GLDN: variants seen among roughly 807,000 people sequenced by gnomAD.
The protein encoded by GLDN is collomin.
Under a neutral mutation model 56.5 loss-of-function variants are expected in GLDN, and 47 were observed. That is an observed-to-expected ratio of 0.83 (90% confidence interval 0.66 to 1.06). GLDN has a LOEUF of 1.06. Ranked by LOEUF, GLDN falls within the 50% of genes least tolerant of loss-of-function variation. The probability of loss-of-function intolerance (pLI) is 0.00; values close to 1 mark genes in which losing one functional copy is unlikely to be tolerated. For missense variants in GLDN, 782 were observed against 714.3 expected, an observed-to-expected ratio of 1.09 and a Z score of -1.08; for synonymous variants, 332 against 278.8, an observed-to-expected ratio of 1.19 and a Z score of -1.90.
At chr15:51,386,015 G>A (rs1457748163) in intron 4 of GLDN, among the ~76,000 whole-genome samples, 1 of 152,210 alleles carries the variant, frequency 6.6e-6, no homozygotes, top group East Asian at 1.9e-4. Flanking sequence ...TAGGAGGGAA[G>A]GGAAGAGGCT....
chr15:51,368,019 A>G (rs2037440349), intron 1 of GLDN, among the ~76,000 whole-genome samples: 1 of 152,188 alleles, frequency 6.6e-6, no homozygotes, highest in East Asian at 1.9e-4. Context: ...AAATAAAATT[A>G]TCCTAAACAA....
intron 1 of GLDN, among the ~76,000 whole-genome samples, chr15:51,376,019 T>C (rs1482132460): frequency 6.6e-6 from 1 of 152,214 alleles, no homozygotes; most frequent in Non-Finnish European, 1.5e-5. Flanking sequence ...ATTCTCTTGA[T>C]GATGTTGATA....
chr15:51,401,313 T>C (rs1186202954), intron 8 of GLDN, among the ~76,000 whole-genome samples: 1 of 152,220 alleles, frequency 6.6e-6, no homozygotes, highest in African/African-American at 2.4e-5. Context: ...CATAGAGAGT[T>C]TGATAAACAG....
chr15:51,383,548 C>T (rs1213023848), intron 3 of GLDN, 95 bp downstream of exon 3: 2 of 1,430,460 alleles, frequency 1.4e-6, no homozygotes, highest in African/African-American at 2.8e-5. Flanking sequence ...GGGCAAGAGC[C>T]TGGAGGCAGT....
chr15:51,351,550 G>A (rs567347263), intron 1 of GLDN, among the ~76,000 whole-genome samples: 1 of 152,278 alleles, frequency 6.6e-6, no homozygotes, highest in East Asian at 1.9e-4. Context: ...GTGAGTTCCA[G>A]AATAATTTCT....
At chr15:51,376,676 CCTT>C (rs1199870508) in intron 1 of GLDN, among the ~76,000 whole-genome samples, 1 of 152,148 alleles carries the variant, frequency 6.6e-6, no homozygotes, top group Non-Finnish European at 1.5e-5. Flanking sequence ...TACTTTATAT[CCTT>C]ATTATGTAAG....
chr15:51,401,222 C>A (rs758168354), intron 8 of GLDN, among the ~76,000 whole-genome samples: 37 of 152,266 alleles, frequency 2.4e-4, no homozygotes, highest in Non-Finnish European at 4.7e-4. Flanking sequence ...CTGCACAGTG[C>A]AGGAAGAGGT....
chr15:51,400,293 C>T lies in GLDN; in HGVS notation c.901+18C>T, dbSNP rs751946199. On this transcript the variant is annotated intron_variant, in intron 7 of 9. Coordinates refer to ENST00000335449, the MANE Select transcript of GLDN (RefSeq NM_181789.4). ...ACAAGCAGGTATAGAAACAAAGCGT[C>T]CTGTCTTGAAATTCAGAAATTGAAT... 2 of 1,614,098 alleles carry T rather than the reference C, an allele frequency of 1.2e-6. No individual in the cohort carries two copies. Among genetic ancestry groups the T allele is most frequent in the East Asian group, 2.2e-5 (1 of 44,892 alleles).
At chr15:51,396,643 G>A (rs941027000) in intron 5 of GLDN, among the ~76,000 whole-genome samples, 10 of 152,194 alleles carry the variant, frequency 6.6e-5, no homozygotes, top group Non-Finnish European at 1.0e-4. Context: ...CAGAGACTTT[G>A]CTAGTAGCTG....
In GLDN at chr15:51,341,857, A is replaced by G; in HGVS notation, c.173A>G (p.Glu58Gly). 2.0e-6 allele frequency: 3 copies of G among 1,534,202 alleles called. No individual in the cohort carries two copies. Among genetic ancestry groups the G allele is most frequent in the Non-Finnish European group, 2.6e-6 (3 of 1,149,518 alleles). Residue 58 changes from glutamate to glycine, a missense_variant, in exon 1 of 10, where the codon GAG (glutamate) becomes GGG (glycine). Physicochemically the swap from Glu to Gly is moderately conservative, Grantham distance 98 (BLOSUM62 -2). Coordinates refer to ENST00000335449, the MANE Select transcript of GLDN (RefSeq NM_181789.4). ...GCTTTGGAGGCGCAGCGGGGCCGGG[A>G]GCAGCGCGAGGACAGTGCCCTGCGC... ...LRALEAQRGREQREDSALRSF... is the reference protein window; with the variant it reads ...LRALEAQRGRGQREDSALRSF...
At chr15:51,349,324 CTG>C (rs1487613517) in intron 1 of GLDN, among the ~76,000 whole-genome samples, 3 of 152,252 alleles carry the variant, frequency 2.0e-5, no homozygotes, top group African/African-American at 7.2e-5. Context: ...CTTCCTTGGA[CTG>C]GGTTATTTCC....
In GLDN at chr15:51,400,290, C is replaced by T. The variant is rs571792605; in HGVS notation, c.901+15C>T. The T allele has an allele frequency of 9.1e-5, 147 of 1,614,030 alleles. 2 individuals are homozygous for T. In the South Asian group the frequency reaches 1.2e-3, roughly 13 times the overall value. ...CCCACAAGCAGGTATAGAAACAAAG[C>T]GTCCTGTCTTGAAATTCAGAAATTG... On this transcript the variant is annotated intron_variant, in intron 7 of 9. Coordinates refer to ENST00000335449, the MANE Select transcript of GLDN (RefSeq NM_181789.4).
intron 2 of GLDN, among the ~76,000 whole-genome samples, chr15:51,379,122 G>T (rs943833826): frequency 1.3e-5 from 2 of 152,226 alleles, no homozygotes; most frequent in Non-Finnish European, 2.9e-5. Flanking sequence ...CAGATGCTAT[G>T]TGATTCTGTG....
chr15:51,399,209 C>G (rs1362874748), intron 6 of GLDN, among the ~76,000 whole-genome samples: 1 of 152,186 alleles, frequency 6.6e-6, no homozygotes, highest in Non-Finnish European at 1.5e-5. Flanking sequence ...GACAGAAGGA[C>G]TTCAGGGAAA....
downstream of GLDN, among the ~76,000 whole-genome samples, chr15:51,408,838 A>G (rs537194431): frequency 6.4e-4 from 97 of 152,106 alleles, no homozygotes; most frequent in African/African-American, 2.1e-3. Flanking sequence ...AGCTTCATCC[A>G]TGTCCCTACA....
At chr15:51,383,084 A>G (rs1204354889) in intron 2 of GLDN, among the ~76,000 whole-genome samples, 4 of 152,174 alleles carry the variant, frequency 2.6e-5, no homozygotes, top group African/African-American at 9.7e-5. Flanking sequence ...TGACAGCACC[A>G]TCATTTGCTA....
At chr15:51,344,807 A>T (rs997377552) in intron 1 of GLDN, among the ~76,000 whole-genome samples, 1 of 152,264 alleles carries the variant, frequency 6.6e-6, no homozygotes, top group Non-Finnish European at 1.5e-5. Context: ...GGCTGAAAAT[A>T]CATCAACTCA....
At chr15:51,397,951 A>C (rs2038170738) in intron 6 of GLDN, among the ~76,000 whole-genome samples, 2 of 152,232 alleles carry the variant, frequency 1.3e-5, no homozygotes, top group African/African-American at 4.8e-5. Context: ...AGAAGCTTGA[A>C]TGATGCTCAG....
At chr15:51,358,611 G>T (rs1406416807) in intron 1 of GLDN, among the ~76,000 whole-genome samples, 10 of 152,164 alleles carry the variant, frequency 6.6e-5, no homozygotes, top group Non-Finnish European at 1.5e-4. Flanking sequence ...GAAAGAAAAG[G>T]ACACCAGAAC....
Sources: allele counts gnomAD v4.1 joint callset (sites outside exome capture counted in the v4.1 genomes callset), GRCh38; gene constraint gnomAD v4.1.1; transcripts MANE v1.5; gene names NCBI Gene and HGNC (gene_info 2026-07-23, HGNC 2026-07-21).